ANKMY1: variants seen among roughly 807,000 people sequenced by gnomAD.
ANKMY1 encodes the protein ankyrin repeat and MYND domain containing 1.
In ANKMY1, 98 loss-of-function variants were observed where a neutral mutation model predicts 102.0. That is an observed-to-expected ratio of 0.96 (90% CI 0.82 to 1.14). ANKMY1 has a LOEUF of 1.14. Among genes scored for constraint, ANKMY1 ranks in the 50% most tolerant of loss-of-function variants. The pLI is 0.00. For missense variants in ANKMY1, 1,330 were observed against 1,347.6 expected, an observed-to-expected ratio of 0.99 and a Z score of 0.20; for synonymous variants, 582 against 559.9, an observed-to-expected ratio of 1.04 and a Z score of -0.56.
intron 10 of ANKMY1, among the ~76,000 whole-genome samples, chr2:240,512,214 G>C (rs536026967): frequency 1.6e-3 from 250 of 152,348 alleles, no homozygotes; most frequent in Non-Finnish European, 2.7e-3. Flanking sequence ...GAGCCATTCT[G>C]TGCCCTCCCC....
rs756434459 is a variant in ANKMY1 at position 240,557,220 on chromosome 2, G to A, written c.116C>T (p.Ser39Phe). The change falls in exon 2 of 18, where the codon TCC (serine) becomes TTC (phenylalanine). Residue 39 changes from serine to phenylalanine, a missense_variant. Transcript: ENST00000401804. ...GETPAAEEPG[S>F]LKNYAVFATR... ...GGCGAAGACAGCGTAGTTCTTCAGG[G>A]ACCCCGGCTCCTCGGCAGCAGGGGT... is the stretch of plus-strand genomic sequence containing the variant. The A allele has an allele frequency of 2.6e-5, 41 of 1,578,824 alleles. No individual in the cohort carries two copies. The South Asian group carries it at 4.6e-4, about 18-fold the overall frequency.
the ANKMY1 span, among the ~76,000 whole-genome samples, chr2:240,472,923 G>A: frequency 1.4e-4 from 22 of 152,160 alleles, no homozygotes; most frequent in South Asian, 2.9e-3. Context: ...TCAGGAGTTC[G>A]AGACCAGCCT....
rs1025909275 is a variant in ANKMY1 at position 240,529,615 on chromosome 2, G to A, written c.481-106C>T. 9.0e-7 allele frequency: 1 copy of A among 1,111,428 alleles called. No individual in the cohort carries two copies. 68.8% of individuals were successfully genotyped at this position (1,111,428 alleles called of 1,614,324 possible). On this transcript the variant is annotated intron_variant, in intron 4 of 17. Transcript: ENST00000401804. This position sits in a 1 kb window ranked among gnomAD's most constrained non-coding sequence, Gnocchi z 4.2. ...ATCCCAAAAAAGAAAACTTTCCCAA[G>A]AAATGCATGCATTCAGCCAGTAAAC...
At chr2:240,554,632 T>G (rs1162038793) in intron 3 of ANKMY1, 1 of 517,804 alleles carries the variant, frequency 1.9e-6, no homozygotes, top group Non-Finnish European at 3.5e-6. Flanking sequence ...AGAACTTATC[T>G]TCTTAAGTCA....
intron 15 of ANKMY1, among the ~76,000 whole-genome samples, chr2:240,492,571 T>C (rs2076772938): frequency 1.3e-5 from 2 of 152,236 alleles, no homozygotes; most frequent in African/African-American, 4.8e-5. Flanking sequence ...TGTTTGGTTA[T>C]TTTTTAAAAT....
chr2:240,515,875 G>A (rs1239516665), intron 9 of ANKMY1, among the ~76,000 whole-genome samples: 3 of 147,290 alleles, frequency 2.0e-5, no homozygotes, highest in African/African-American at 7.4e-5. Context: ...CCGCCACCAT[G>A]CCCGGCTAAT....
upstream of ANKMY1, chr2:240,560,964 C>G: frequency 6.6e-7 from 1 of 1,516,578 alleles, no homozygotes; most frequent in South Asian, 1.2e-5. Context: ...GGCCGCGGTG[C>G]GCGCCGGCGG....
At chr2:240,534,113 C>A (rs182475880) in intron 4 of ANKMY1, among the ~76,000 whole-genome samples, 44 of 152,306 alleles carry the variant, frequency 2.9e-4, no homozygotes, top group Middle Eastern at 3.4e-3. Context: ...CACTGTCCAC[C>A]CACTCGTCAC....
the ANKMY1 span, among the ~76,000 whole-genome samples, chr2:240,474,098 CTTT>C: frequency 6.7e-6 from 1 of 148,900 alleles, no homozygotes; most frequent in African/African-American, 2.5e-5. Flanking sequence ...ATAACATGAT[CTTT>C]TTTTTTTTAT....
At chr2:240,521,489 A>G (rs2082254170) in intron 8 of ANKMY1, among the ~76,000 whole-genome samples, 1 of 123,490 alleles carries the variant, frequency 8.1e-6, no homozygotes, top group Non-Finnish European at 1.6e-5. Context: ...GCGGTGTTAC[A>G]GCTTTTTTTT....
At chr2:240,471,286 GTATC>G in the ANKMY1 span, among the ~76,000 whole-genome samples, 428 of 143,300 alleles carry the variant, frequency 3.0e-3, 1 homozygote, top group Non-Finnish European at 5.1e-3. Context: ...TTGAGACAGA[GTATC>G]TGTCTGTCAC....
rs1346709728 is a variant in ANKMY1, at chr2:240,506,146, T to G, written c.2526+1414A>C. 6.6e-6 allele frequency among the ~76,000 whole-genome samples: 1 copy of G among 151,936 alleles called. No homozygotes were observed. On this transcript the variant is annotated intron_variant, in intron 13 of 17. Transcript: ENST00000401804. The surrounding 1 kb of genome is among the most constrained non-coding windows in gnomAD (Gnocchi z 4.9). Reference sequence around the variant, plus strand: ...CGCTGGGAAGCCCCCTAACCCCGGATGAGGCGCTGGGAGCCCCCAACCCCG... The same window carrying G: ...CGCTGGGAAGCCCCCTAACCCCGGAGGAGGCGCTGGGAGCCCCCAACCCCG...
chr2:240,488,611 T>C (rs2076312660), intron 15 of ANKMY1, among the ~76,000 whole-genome samples: 1 of 152,240 alleles, frequency 6.6e-6, no homozygotes, highest in South Asian at 2.1e-4. Context: ...ACATGGGATG[T>C]CTTTCCATTT....
In ANKMY1 at chr2:240,516,377, C is replaced by A. The variant is rs149196883; in HGVS notation, c.2005-3435G>T. ...AGAGACATATTAGGCTTATTTGGCA[C>A]GTTAGAATTTTACAGAAAGTATTGT... On this transcript the variant is annotated intron_variant, in intron 9 of 17. Coordinates refer to ENST00000401804, the MANE Select transcript of ANKMY1 (RefSeq NM_001282771.3). 2.6e-4 allele frequency among the ~76,000 whole-genome samples: 39 copies of A among 152,164 alleles called. No homozygotes were observed. In the East Asian group the frequency reaches 5.4e-3, roughly 21 times the overall value.
In ANKMY1 at chr2:240,526,363, C is replaced by G. The variant is rs1445634305; in HGVS notation, c.1036G>C (p.Glu346Gln). Residue 346 changes from glutamate to glutamine, a missense_variant, in exon 6 of 18, where the codon GAG becomes CAG. Transcript: ENST00000401804. ...AGGATCATCTCCATGGAAAGTTGCTCTTTGGGCCCACAGGGTGCAAAGCCA... is the reference window on the plus strand; with the variant it reads ...AGGATCATCTCCATGGAAAGTTGCTGTTTGGGCCCACAGGGTGCAAAGCCA... The part of the protein sequence containing the change: ...RSGFAPCGPK[E>Q]QLSMEMILKA... The G allele has an allele frequency of 6.2e-7, 1 of 1,614,260 alleles. No homozygotes were observed. Among genetic ancestry groups the G allele is most frequent in the Non-Finnish European group, 8.5e-7 (1 of 1,180,052 alleles).
intron 3 of ANKMY1, 105 bp from the exon 4 acceptor site, chr2:240,553,162 C>T (rs2091826798): frequency 7.3e-7 from 1 of 1,362,200 alleles, no homozygotes; most frequent in Middle Eastern, 2.1e-4. Context: ...TGGGGACCAC[C>T]CAGGGCTGTG....
rs142179075 is a variant in ANKMY1, at chr2:240,534,017, C to T, written c.481-4508G>A. On this transcript the variant is annotated intron_variant, in intron 4 of 17. Coordinates refer to ENST00000401804, the MANE Select transcript of ANKMY1 (RefSeq NM_001282771.3). Reference sequence around the variant, plus strand: ...AAGTTTTAAATTACATGCCATTCTGCGTATTGAGATGAAATCTCACAGCAT... The same window carrying T: ...AAGTTTTAAATTACATGCCATTCTGTGTATTGAGATGAAATCTCACAGCAT... Among the ~76,000 whole-genome samples, 435 of 152,326 alleles carry T rather than the reference C, an allele frequency of 2.9e-3. 1 individual carries two copies. The highest frequency in any genetic ancestry group is 4.3e-3 in the Non-Finnish European group (291 of 68,030).
chr2:240,485,615 G>A (rs1437865626), intron 15 of ANKMY1, among the ~76,000 whole-genome samples: 1 of 150,692 alleles, frequency 6.6e-6, no homozygotes, highest in African/African-American at 2.4e-5. Flanking sequence ...TTTGAGACAG[G>A]TTCTCACCTT....
intron 4 of ANKMY1, among the ~76,000 whole-genome samples, chr2:240,538,262 C>T (rs1559356991): frequency 6.6e-6 from 1 of 152,104 alleles, no homozygotes; most frequent in Admixed American, 6.5e-5. Context: ...GCTCCCTCTG[C>T]TTGCAGGGAG....
Sources: gnomAD v4.1 joint callset for allele counts (sites outside exome capture counted in the v4.1 genomes callset) on GRCh38, gnomAD v4.1.1 for gene constraint, Gnocchi (gnomAD v3.1) non-coding constraint, MANE v1.5 for transcripts, NCBI Gene and HGNC (gene_info 2026-07-23, HGNC 2026-07-21) for gene names.